Variants in BRINP3 observed in about 807,000 individuals in gnomAD.
BRINP3 encodes BMP/retinoic acid inducible neural specific 3.
BRINP3 carries 19 observed loss-of-function variants against 71.0 expected under a neutral mutation model. The ratio of observed to expected loss-of-function variants is 0.27; its 90% CI spans 0.19 to 0.39. The LOEUF is 0.39. Among genes scored for constraint, BRINP3 ranks in the 10% least tolerant of loss-of-function variants. BRINP3 has a pLI of 1.00. For synonymous variants in BRINP3, 380 were observed against 337.7 expected (o/e 1.13, Z -1.37); for missense variants, 959 against 940.8 (o/e 1.02, Z -0.25).
chr1:190,433,605 T>C lies in BRINP3; in HGVS notation c.236+21050A>G, dbSNP rs1458279358. 5.9e-5 allele frequency among the ~76,000 whole-genome samples: 9 copies of C among 152,140 alleles called. No individual in the cohort carries two copies. In the East Asian group the frequency reaches 1.7e-3, roughly 29 times the overall value. ...TTTTTAGACCCATTTCTATTCCTATTACTTCCCTTCTGTTTTCCCCTTTCA... is the reference window on the plus strand; with the variant it reads ...TTTTTAGACCCATTTCTATTCCTATCACTTCCCTTCTGTTTTCCCCTTTCA... On this transcript the variant is annotated intron_variant, in intron 2 of 7. Transcript: ENST00000367462.
intron 1 of BRINP3, among the ~76,000 whole-genome samples, chr1:190,456,239 GGGCT>G (rs1300034100): frequency 2.0e-5 from 3 of 151,650 alleles, no homozygotes; most frequent in Admixed American, 1.3e-4. Flanking sequence ...AATAATTTTG[GGGCT>G]CTGAAGTAGC....
chr1:190,385,473 T>G (rs1670830461), intron 2 of BRINP3, among the ~76,000 whole-genome samples: 1 of 151,392 alleles, frequency 6.6e-6, no homozygotes, highest in Non-Finnish European at 1.5e-5. Context: ...AAAAAACACA[T>G]GAAAAAATGC....
At chr1:190,247,052 T>A (rs1034195424) in intron 4 of BRINP3, among the ~76,000 whole-genome samples, 3 of 152,040 alleles carry the variant, frequency 2.0e-5, no homozygotes, top group East Asian at 3.9e-4. Context: ...AACTTGAAAA[T>A]TTTTTAAAAT....
At chr1:190,185,741 C>T (rs953632408) in intron 6 of BRINP3, among the ~76,000 whole-genome samples, 2 of 151,810 alleles carry the variant, frequency 1.3e-5, no homozygotes, top group Admixed American at 6.6e-5. Context: ...TGTATAATAG[C>T]TGAATAAAAC....
chr1:190,341,922 A>T (rs1205691106), intron 2 of BRINP3, among the ~76,000 whole-genome samples: 1 of 151,820 alleles, frequency 6.6e-6, no homozygotes, highest in Non-Finnish European at 1.5e-5. Context: ...TTTGCAAGTC[A>T]GAAGTCTGAT....
intron 4 of BRINP3, among the ~76,000 whole-genome samples, chr1:190,240,686 C>A (rs1292593398): frequency 6.6e-6 from 1 of 151,698 alleles, no homozygotes; most frequent in East Asian, 1.9e-4. Flanking sequence ...GCCTGATCAA[C>A]AAGGTGAAAC....
chr1:190,453,981 A>C (rs1444246345), intron 2 of BRINP3, among the ~76,000 whole-genome samples: 1 of 152,080 alleles, frequency 6.6e-6, no homozygotes, highest in Non-Finnish European at 1.5e-5. Context: ...CCACTTGTAC[A>C]CTCTTCTACT....
intron 2 of BRINP3, among the ~76,000 whole-genome samples, chr1:190,426,745 G>T (rs1321952886): frequency 6.6e-6 from 1 of 151,626 alleles, no homozygotes; most frequent in Admixed American, 6.6e-5. Context: ...TTACAATTAT[G>T]CCTATGAATA....
intron 4 of BRINP3, among the ~76,000 whole-genome samples, chr1:190,257,763 T>C (rs1660798888): frequency 6.6e-6 from 1 of 152,222 alleles, no homozygotes; most frequent in Admixed American, 6.5e-5. Context: ...TGGGGTTTGC[T>C]CGGAGGTCCA....
At chr1:190,472,846 C>T (rs1677225991) in intron 1 of BRINP3, among the ~76,000 whole-genome samples, 1 of 147,686 alleles carries the variant, frequency 6.8e-6, no homozygotes, top group Admixed American at 6.8e-5. Context: ...CACTTTGAGT[C>T]CCAATGGTTT....
At chr1:190,139,249 A>G (rs1655224954) in intron 7 of BRINP3, among the ~76,000 whole-genome samples, 1 of 151,800 alleles carries the variant, frequency 6.6e-6, no homozygotes, top group East Asian at 1.9e-4. Flanking sequence ...GGGGTTTGAG[A>G]CCAGCCTGGG....
At chr1:190,175,228 G>A (rs1652399662) in intron 6 of BRINP3, among the ~76,000 whole-genome samples, 1 of 152,068 alleles carries the variant, frequency 6.6e-6, no homozygotes, top group South Asian at 2.1e-4. Flanking sequence ...ATTGCAAAGC[G>A]AGTGAAATTG....
At chr1:190,291,248 C>T (rs1571648938) in intron 2 of BRINP3, among the ~76,000 whole-genome samples, 1 of 152,072 alleles carries the variant, frequency 6.6e-6, no homozygotes, top group East Asian at 1.9e-4. Flanking sequence ...TAATCAGTTA[C>T]TTTAATAGGT....
At chr1:190,420,370 C>G (rs917474235) in intron 2 of BRINP3, among the ~76,000 whole-genome samples, 23 of 152,038 alleles carry the variant, frequency 1.5e-4, no homozygotes, top group African/African-American at 5.5e-4. Flanking sequence ...TGATTATTCA[C>G]AGGGGAGAAG....
chr1:190,259,858 G>T (rs1204932620), intron 4 of BRINP3, among the ~76,000 whole-genome samples: 1 of 151,324 alleles, frequency 6.6e-6, no homozygotes, highest in Non-Finnish European at 1.5e-5. Context: ...GTGAAACCCG[G>T]TCTCTACTTA....
At chr1:190,418,199 C>T (rs1357987060) in intron 2 of BRINP3, among the ~76,000 whole-genome samples, 1 of 151,894 alleles carries the variant, frequency 6.6e-6, no homozygotes, top group Non-Finnish European at 1.5e-5. Flanking sequence ...AATATTTAGC[C>T]CCCCACCATG....
chr1:190,153,745 C>T (rs1656622173), intron 7 of BRINP3, among the ~76,000 whole-genome samples: 1 of 152,082 alleles, frequency 6.6e-6, no homozygotes, highest in African/African-American at 2.4e-5. Flanking sequence ...CCTGTAGTCC[C>T]AGCTACTCAG....
At chr1:190,188,084 G>T (rs193039590) in intron 6 of BRINP3, among the ~76,000 whole-genome samples, 145 of 151,962 alleles carry the variant, frequency 9.5e-4, no homozygotes, top group Admixed American at 2.6e-3. Context: ...TCATTGTAGA[G>T]ATATTACACA....
chr1:190,360,128 A>G (rs1669039449), intron 2 of BRINP3, among the ~76,000 whole-genome samples: 1 of 152,152 alleles, frequency 6.6e-6, no homozygotes, highest in African/African-American at 2.4e-5. Context: ...TCTACTATTC[A>G]GATTCTTTTC....
Sources: allele counts gnomAD v4.1 joint callset (sites outside exome capture counted in the v4.1 genomes callset), GRCh38; gene constraint gnomAD v4.1.1; transcripts MANE v1.5; gene names NCBI Gene and HGNC (gene_info 2026-07-23, HGNC 2026-07-21).